The following ARPC1A variants were observed in gnomAD, a reference collection of about 807,000 sequenced individuals.
ARPC1A encodes actin-related protein 2/3 complex subunit 1A.
In ARPC1A, 8 loss-of-function variants were observed where a neutral mutation model predicts 46.9. The ratio of observed to expected loss-of-function variants is 0.17; its 90% CI spans 0.10 to 0.31. The LOEUF (loss-of-function observed/expected upper bound fraction) is 0.31. Ranked by LOEUF, ARPC1A falls within the 10% of genes least tolerant of loss-of-function variation. The pLI, the probability that ARPC1A is intolerant of heterozygous loss-of-function variation, is 1.00. For missense variants in ARPC1A, 286 were observed against 483.6 expected (o/e 0.59, Z 3.83); for synonymous variants, 152 against 169.0 (o/e 0.90, Z 0.78).
rs560422891 is a variant in ARPC1A at position 99,362,840 on chromosome 7, T to G, written c.984-703T>G. ...GATAATTAGGCTAAGACAAGTTGTTTCATTTATCTGTTCCCCTGCTTAGCT... is the reference window on the plus strand; with the variant it reads ...GATAATTAGGCTAAGACAAGTTGTTGCATTTATCTGTTCCCCTGCTTAGCT... On this transcript the variant is annotated intron_variant, in intron 8 of 9. Transcript: ENST00000262942. Among the ~76,000 whole-genome samples the G allele has an allele frequency of 1.7e-4, 26 of 152,098 alleles. 1 individual carries two copies. The highest frequency in any genetic ancestry group is 6.0e-4 in the African/African-American group (25 of 41,498).
chr7:99,364,268 C>CT (rs1226720404), intron 9 of ARPC1A, among the ~76,000 whole-genome samples: 6,691 of 117,346 alleles, frequency 0.057, 390 homozygotes, highest in East Asian at 0.26. Context: ...AGATCTCTCT[C>CT]TTTTTTTTTT....
At chr7:99,363,006 T>C (rs1435176525) in intron 8 of ARPC1A, among the ~76,000 whole-genome samples, 2 of 152,110 alleles carry the variant, frequency 1.3e-5, no homozygotes, top group African/African-American at 4.8e-5. Flanking sequence ...AATTCAGTCA[T>C]GCTTCATCAT....
At chr7:99,329,346 G>A (rs955446382) in intron 1 of ARPC1A, among the ~76,000 whole-genome samples, 1 of 152,012 alleles carries the variant, frequency 6.6e-6, no homozygotes. Context: ...GGAGTTCCTG[G>A]CATTTTTATT....
chr7:99,330,701 T>C (rs1347898678), intron 1 of ARPC1A, among the ~76,000 whole-genome samples: 3 of 152,222 alleles, frequency 2.0e-5, no homozygotes, highest in Non-Finnish European at 4.4e-5. Flanking sequence ...TTGTTCACTT[T>C]ACAACCTTCT....
At chr7:99,349,076 A>C in intron 5 of ARPC1A, 117 bp downstream of exon 5, 5 of 1,022,786 alleles carry the variant, frequency 4.9e-6, no homozygotes, top group Non-Finnish European at 7.3e-6. Flanking sequence ...GTTTTGAGAC[A>C]GGGTCTCACT....
At chr7:99,353,190 G>A (rs1267228672) in intron 5 of ARPC1A, among the ~76,000 whole-genome samples, 12 of 151,494 alleles carry the variant, frequency 7.9e-5, no homozygotes, top group East Asian at 3.9e-4. Context: ...ACGGTGTCTC[G>A]CTCTGTTGCC....
intron 8 of ARPC1A, 64 bp from the exon 9 acceptor site, chr7:99,363,475 TAGTC>T (rs1793775924): frequency 1.8e-6 from 2 of 1,113,324 alleles, no homozygotes; most frequent in Non-Finnish European, 2.7e-6. Flanking sequence ...CTTACACTAT[TAGTC>T]AGGAATGTTT....
rs1200190032 is a variant in ARPC1A, at chr7:99,365,783, C to T, written c.1075-108C>T. Reference sequence around the variant, plus strand: ...GTTTCAGGTGGGGCAGGGCCAGGTTCAGGGTGGGGACAGGCAGAACCTTCC... The same window carrying T: ...GTTTCAGGTGGGGCAGGGCCAGGTTTAGGGTGGGGACAGGCAGAACCTTCC... On this transcript the variant is annotated intron_variant, in intron 9 of 9. Coordinates refer to ENST00000262942, the MANE Select transcript of ARPC1A (RefSeq NM_006409.4). The T allele has an allele frequency of 3.3e-6, 4 of 1,219,832 alleles. No homozygotes were observed. In the African/African-American group the frequency reaches 6.0e-5, roughly 18 times the overall value. The allele number at this position is 1,219,832 out of a possible 1,614,324, so 75.6% of individuals were successfully genotyped here. A position where few individuals can be genotyped will look rare whatever the true frequency, so the allele number is the denominator to read the frequency against.
Position 99,346,546 on chromosome 7 carries a change from G to A in ARPC1A, c.392+2031G>A, listed in dbSNP as rs190653917. The stretch of plus-strand genomic sequence containing the variant: ...ACAAGGTATTGTCTTTGAACAAGCT[G>A]TATGTTTAGGGCAGTTTCTCAGCTG... On this transcript the variant is annotated intron_variant, in intron 4 of 9. Transcript: ENST00000262942. 4.0e-4 allele frequency among the ~76,000 whole-genome samples: 61 copies of A among 152,266 alleles called. 1 individual carries two copies. In the Middle Eastern group the frequency reaches 0.01, roughly 25 times the overall value.
intron 8 of ARPC1A, among the ~76,000 whole-genome samples, chr7:99,362,028 C>T (rs938618913): frequency 2.0e-4 from 30 of 152,126 alleles, no homozygotes; most frequent in Non-Finnish European, 3.4e-4. Context: ...GGTGCAGAGG[C>T]TCACGCCTGT....
intron 2 of ARPC1A, among the ~76,000 whole-genome samples, chr7:99,334,497 C>G (rs117316159): frequency 0.018 from 2,732 of 152,256 alleles, 38 homozygotes; most frequent in Non-Finnish European, 0.025. Context: ...GAAACCATTG[C>G]ATAATCCAGG....
chr7:99,349,394 G>A lies in ARPC1A; in HGVS notation c.500+435G>A, dbSNP rs117087464. 9.1e-3 allele frequency among the ~76,000 whole-genome samples: 1,382 copies of A among 152,000 alleles called. 14 individuals carry two copies. Among genetic ancestry groups the A allele is most frequent in the Non-Finnish European group, 0.012 (792 of 67,980 alleles). ...TTTCCTTTTCTTTGCAAGGTACTGC[G>A]CTAGGCACTGTGAGGGACTCAAAAA... On this transcript the variant is annotated intron_variant, in intron 5 of 9. Transcript: ENST00000262942.
chr7:99,326,950 G>C (rs1172312846), intron 1 of ARPC1A, among the ~76,000 whole-genome samples: 1 of 152,156 alleles, frequency 6.6e-6, no homozygotes. Flanking sequence ...ATCAGTTATA[G>C]CTTAGAATCT....
At chr7:99,344,874 T>C (rs1793417793) in intron 4 of ARPC1A, among the ~76,000 whole-genome samples, 1 of 150,478 alleles carries the variant, frequency 6.6e-6, no homozygotes, top group African/African-American at 2.4e-5. Context: ...CTTTTTTTTT[T>C]TTTTTCACAG....
At position 99,344,431 on chromosome 7, in the gene ARPC1A, A is replaced by C. The variant is rs749505817; in HGVS notation, c.308A>C (p.Lys103Thr). 2.3e-5 allele frequency: 37 copies of C among 1,613,862 alleles called. No individual in the cohort carries two copies. The highest frequency in any genetic ancestry group is 1.6e-4 in the Middle Eastern group (1 of 6,078). ...ATTAATCGCGCAGCTACTTTTGTGA[A>C]GTGGTCCCCCCTAGAGAACAAATTT... ...LRINRAATFV[K>T]WSPLENKFAV... Residue 103 changes from lysine (K) to threonine (T), a missense_variant, in exon 4 of 10, where the codon AAG (lysine) becomes ACG (threonine). Lys to Thr is a moderately conservative substitution (Grantham distance 78). Around this residue, in one of 5 missense-constraint regions of ARPC1A, gnomAD observed 38 missense variants for 95.8 expected, o/e 0.40. Transcript: ENST00000262942.
At chr7:99,343,110 C>CA (rs1793382433) in intron 3 of ARPC1A, among the ~76,000 whole-genome samples, 1 of 150,834 alleles carries the variant, frequency 6.6e-6, no homozygotes, top group African/African-American at 2.4e-5. Flanking sequence ...AGAGAGAGAT[C>CA]TGTAATAAAT....
At chr7:99,351,041 G>C (rs1793536542) in intron 5 of ARPC1A, among the ~76,000 whole-genome samples, 1 of 151,990 alleles carries the variant, frequency 6.6e-6, no homozygotes, top group Non-Finnish European at 1.5e-5. Flanking sequence ...AAAAAAGAGA[G>C]AGAGATGTGT....
chr7:99,347,358 T>A (rs1793471285), intron 4 of ARPC1A, among the ~76,000 whole-genome samples: 1 of 152,196 alleles, frequency 6.6e-6, no homozygotes, highest in Non-Finnish European at 1.5e-5. Context: ...GTTGCAAGCC[T>A]CTGCACCTGG....
At chr7:99,341,859 G>A (rs1026661629) in intron 3 of ARPC1A, among the ~76,000 whole-genome samples, 1 of 152,008 alleles carries the variant, frequency 6.6e-6, no homozygotes, top group African/African-American at 2.4e-5. Context: ...CTCTGGGGCA[G>A]GAGATCAAGG....
Sources: allele counts gnomAD v4.1 joint callset (sites outside exome capture counted in the v4.1 genomes callset), GRCh38; gene constraint gnomAD v4.1.1; regional missense constraint gnomAD v4.1.1; transcripts MANE v1.5; gene names NCBI Gene and HGNC (gene_info 2026-07-23, HGNC 2026-07-21).